The following PDE8B variants were observed in gnomAD, a reference collection of about 807,000 sequenced individuals.
PDE8B encodes phosphodiesterase 8B.
PDE8B carries 26 observed loss-of-function variants against 101.3 expected under a neutral mutation model. The observed-to-expected ratio is 0.26, with a 90% CI of 0.19 to 0.36. The LOEUF (loss-of-function observed/expected upper bound fraction) is 0.36, where lower values mean the gene tolerates loss of function less well. Ranked by LOEUF, PDE8B falls within the 10% of genes least tolerant of loss-of-function variation. The pLI is 1.00. For missense variants in PDE8B, 810 were observed against 1,163.1 expected (o/e 0.70, Z 4.42); for synonymous variants, 424 against 429.3 (o/e 0.99, Z 0.15).
chr5:77,166,852 A>G, the PDE8B span: 760 of 152,356 alleles, frequency 5.0e-3, 6 homozygotes, highest in African/African-American at 0.017. Flanking sequence ...TAACAAGCCC[A>G]AAGTCAAACA....
the PDE8B span, among the ~76,000 whole-genome samples, chr5:77,173,178 A>G: frequency 3.3e-5 from 5 of 152,248 alleles, no homozygotes; most frequent in South Asian, 8.3e-4. Context: ...AGGAGATGAC[A>G]GGTACAGGAA....
intron 10 of PDE8B, among the ~76,000 whole-genome samples, chr5:77,385,101 C>A (rs1010829280): frequency 6.6e-6 from 1 of 152,134 alleles, no homozygotes; most frequent in Non-Finnish European, 1.5e-5. Flanking sequence ...TCCTTCTGAT[C>A]CTGGACTTCT....
chr5:77,327,025 C>G (rs1484104237), intron 3 of PDE8B, among the ~76,000 whole-genome samples: 2 of 152,158 alleles, frequency 1.3e-5, no homozygotes, highest in Non-Finnish European at 2.9e-5. Flanking sequence ...GCACAGAAAA[C>G]CAATAGCGGT....
intron 10 of PDE8B, among the ~76,000 whole-genome samples, chr5:77,368,143 C>G (rs1784470574): frequency 6.6e-6 from 1 of 152,186 alleles, no homozygotes; most frequent in Non-Finnish European, 1.5e-5. Flanking sequence ...TTTGGTCTTT[C>G]AAATCCATCT....
the PDE8B span, among the ~76,000 whole-genome samples, chr5:77,184,943 T>G: frequency 6.6e-6 from 1 of 152,222 alleles, no homozygotes; most frequent in African/African-American, 2.4e-5. Flanking sequence ...ACAGAGGCAC[T>G]CAGGGCACCA....
chr5:77,291,260 T>C (rs995526344), intron 1 of PDE8B: 2 of 1,612,740 alleles, frequency 1.2e-6, no homozygotes. Context: ...AGATCCGAGT[T>C]GGGAACCCAT....
intron 20 of PDE8B, 32 bp from the exon 21 acceptor site, chr5:77,425,735 C>A: frequency 6.2e-7 from 1 of 1,610,980 alleles, no homozygotes; most frequent in Non-Finnish European, 8.5e-7. Context: ...CTCGCATGTC[C>A]TCCAGCCCTA....
chr5:77,211,327 G>A lies in PDE8B; in HGVS notation c.339+63G>A. 6.8e-7 allele frequency: 1 copy of A among 1,462,506 alleles called. No individual in the cohort carries two copies. The allele number at this position is 1,462,506 out of a possible 1,614,324, so 90.6% of individuals were successfully genotyped here. A position where few individuals can be genotyped will look rare whatever the true frequency, so the allele number is the denominator to read the frequency against. On this transcript the variant is annotated intron_variant, in intron 1 of 21. Transcript: ENST00000264917. This position sits in a 1 kb window ranked among gnomAD's most constrained non-coding sequence, Gnocchi z 4.1. ...CCGCCCCGTCGGCGGGGCTCGCACG[G>A]GTAGGGGGCTCCGGCGGAGTTGGGT...
chr5:77,132,552 C>T, the PDE8B span, among the ~76,000 whole-genome samples: 2 of 152,270 alleles, frequency 1.3e-5, no homozygotes, highest in East Asian at 3.9e-4. Flanking sequence ...CTTGGGTTTT[C>T]CCACTGTCTA....
intron 5 of PDE8B, among the ~76,000 whole-genome samples, chr5:77,335,494 C>G (rs1313404221): frequency 6.6e-6 from 1 of 151,866 alleles, no homozygotes; most frequent in East Asian, 1.9e-4. Context: ...GCCAACCACT[C>G]CAGATATGTG....
At chr5:77,196,759 G>T in the PDE8B span, among the ~76,000 whole-genome samples, 1 of 152,084 alleles carries the variant, frequency 6.6e-6, no homozygotes, top group Non-Finnish European at 1.5e-5. Flanking sequence ...GTTTGTGTAG[G>T]GTTAGTATTA....
At chr5:77,246,638 A>C (rs1482857790) in intron 1 of PDE8B, 1 of 152,226 alleles carries the variant, frequency 6.6e-6, no homozygotes, top group Non-Finnish European at 1.5e-5. Flanking sequence ...ATTGTCTATG[A>C]TAGCAGTCAC....
intron 19 of PDE8B, 36 bp from the exon 20 acceptor site, chr5:77,421,785 C>G: frequency 1.9e-6 from 3 of 1,610,012 alleles, no homozygotes; most frequent in Non-Finnish European, 2.5e-6. Flanking sequence ...TCACCGTCAT[C>G]TTGAACCAAG....
At position 77,215,620 on chromosome 5, in the gene PDE8B, C is replaced by T. The variant is rs537982542; in HGVS notation, c.339+4356C>T. Among the ~76,000 whole-genome samples, 3 of 152,314 alleles carry T rather than the reference C, an allele frequency of 2.0e-5. No individual in the cohort carries two copies. In the South Asian group the frequency reaches 6.2e-4, roughly 32 times the overall value. On this transcript the variant is annotated intron_variant, in intron 1 of 21. Transcript: ENST00000264917. ...CAGCTGTTCAGAGATGATATAGTTTCTACTGAAATCCTGTTTTGGTGACCA... is the reference window on the plus strand; with the variant it reads ...CAGCTGTTCAGAGATGATATAGTTTTTACTGAAATCCTGTTTTGGTGACCA...
At chr5:77,109,936 T>TG in the PDE8B span, among the ~76,000 whole-genome samples, 2 of 113,022 alleles carry the variant, frequency 1.8e-5, no homozygotes, top group Non-Finnish European at 3.6e-5. Context: ...AGTTTTTTTT[T>TG]TTTTTTTTTT....
intron 1 of PDE8B, among the ~76,000 whole-genome samples, chr5:77,289,514 A>G (rs1580813432): frequency 6.6e-6 from 1 of 152,244 alleles, no homozygotes; most frequent in East Asian, 1.9e-4. Context: ...TTTGGTGGTT[A>G]CCAGGAGGAA....
At chr5:77,198,971 A>G in the PDE8B span, among the ~76,000 whole-genome samples, 5 of 152,066 alleles carry the variant, frequency 3.3e-5, no homozygotes, top group African/African-American at 7.2e-5. Context: ...CCTATGTCTT[A>G]TTCGTCTTTT....
the PDE8B span, among the ~76,000 whole-genome samples, chr5:77,195,197 G>A: frequency 2.6e-5 from 4 of 152,220 alleles, no homozygotes; most frequent in East Asian, 5.8e-4. Flanking sequence ...GGAAACACAT[G>A]CCCTCACATG....
At chr5:77,350,994 T>C (rs1781008584) in intron 8 of PDE8B, 71 bp from the exon 9 acceptor site, 3 of 1,076,992 alleles carry the variant, frequency 2.8e-6, no homozygotes, top group Non-Finnish European at 1.4e-6. Flanking sequence ...TTCTCAGCCT[T>C]CTGAGACCCT....
Sources: gnomAD v4.1 joint callset for allele counts (sites outside exome capture counted in the v4.1 genomes callset) on GRCh38, gnomAD v4.1.1 for gene constraint, Gnocchi (gnomAD v3.1) non-coding constraint, MANE v1.5 for transcripts, NCBI Gene and HGNC (gene_info 2026-07-23, HGNC 2026-07-21) for gene names.